The following HERC2 variants were observed in gnomAD, a reference collection of about 807,000 sequenced individuals.
HERC2 encodes the protein HECT and RLD domain containing E3 ubiquitin protein ligase 2.
A neutral mutation model predicts 537.7 loss-of-function variants in HERC2; 102 were observed. The observed-to-expected ratio is 0.19, with a 90% CI of 0.16 to 0.22. The LOEUF (loss-of-function observed/expected upper bound fraction) is 0.22, where lower values mean the gene tolerates loss of function less well. HERC2 is among the 10% of genes least tolerant of loss of function. The pLI is 1.00. For missense variants in HERC2, 4,236 were observed against 6,198.2 expected (o/e 0.68, Z 10.63); for synonymous variants, 2,224 against 2,466.2 (o/e 0.90, Z 2.91).
rs1895255492 is a variant in HERC2 at position 28,176,017 on chromosome 15, CACCAT to C, written c.9687-366_9687-362del. On this transcript the variant is annotated intron_variant, in intron 63 of 92. Coordinates refer to ENST00000261609, the MANE Select transcript of HERC2 (RefSeq NM_004667.6). The surrounding 1 kb of genome is among the most constrained non-coding windows in gnomAD (Gnocchi z 5.0). ...ATGACATTGGCACTAAGGCCTGACACACCATCCACAGCCAGTCCAGGCACCTGCTC... is the reference window on the plus strand; with the variant it reads ...ATGACATTGGCACTAAGGCCTGACACCCACAGCCAGTCCAGGCACCTGCTC... Among the ~76,000 whole-genome samples the C allele has an allele frequency of 6.6e-6, 1 of 152,216 alleles. No individual in the cohort carries two copies. Among genetic ancestry groups the C allele is most frequent in the African/African-American group, 2.4e-5 (1 of 41,448 alleles).
At chr15:28,128,037 T>C (rs1226860550) in intron 83 of HERC2, among the ~76,000 whole-genome samples, 1 of 152,184 alleles carries the variant, frequency 6.6e-6, no homozygotes, top group Non-Finnish European at 1.5e-5. Context: ...ACAAACTGCA[T>C]GTCACCTGCA....
chr15:28,251,370 G>A (rs1017284542), intron 20 of HERC2, among the ~76,000 whole-genome samples: 1 of 151,700 alleles, frequency 6.6e-6, no homozygotes, highest in African/African-American at 2.4e-5. Context: ...TTGAACCCAG[G>A]AGGCAGAGGC....
At chr15:28,284,645 G>A (rs566837420) in intron 4 of HERC2, among the ~76,000 whole-genome samples, 4 of 152,134 alleles carry the variant, frequency 2.6e-5, no homozygotes, top group South Asian at 2.1e-4. Flanking sequence ...CAGGAAGGCC[G>A]GGCACAGTGG....
chr15:28,253,000 C>G (rs568893942), intron 20 of HERC2, among the ~76,000 whole-genome samples: 217 of 152,362 alleles, frequency 1.4e-3, no homozygotes, highest in African/African-American at 5.2e-3. Flanking sequence ...CTGTGCTCGG[C>G]TGCCTGACCC....
intron 70 of HERC2, among the ~76,000 whole-genome samples, chr15:28,149,314 C>T (rs183007422): frequency 3.3e-5 from 5 of 151,566 alleles, no homozygotes; most frequent in South Asian, 2.1e-4. Context: ...AGAACATCAC[C>T]GAAAATGGCC....
intron 2 of HERC2, among the ~76,000 whole-genome samples, chr15:28,303,453 G>A (rs1420194434): frequency 6.6e-6 from 1 of 152,132 alleles, no homozygotes; most frequent in Admixed American, 6.5e-5. Flanking sequence ...ACCAGGAAGT[G>A]ACTGTAGTAT....
intron 25 of HERC2, among the ~76,000 whole-genome samples, chr15:28,237,686 G>A (rs749180532): frequency 3.9e-5 from 6 of 152,086 alleles, no homozygotes; most frequent in Non-Finnish European, 7.3e-5. Flanking sequence ...ATTACTTGTC[G>A]ATACCTGGAA....
Position 28,115,461 on chromosome 15 carries a change from C to G in HERC2, c.13690G>C (p.Gly4564Arg), listed in dbSNP as rs1288014035. 1 of 1,613,932 alleles carries G rather than the reference C, an allele frequency of 6.2e-7. No individual in the cohort carries two copies. Among genetic ancestry groups the G allele is most frequent in the East Asian group, 2.2e-5 (1 of 44,868 alleles). ...LAEPVWKQLA[G>R]MSLTIADLSE... ...AGGTCCGCGATGGTGAGGCTCATCCCAGCCAGCTGCTTCCAGACAGGCTCG... is the reference window on the plus strand; with the variant it reads ...AGGTCCGCGATGGTGAGGCTCATCCGAGCCAGCTGCTTCCAGACAGGCTCG... The change falls in exon 89 of 93, where the codon GGG (glycine) becomes CGG (arginine). Residue 4564 changes from glycine to arginine, a missense_variant. By Grantham distance (125) the Gly-to-Arg change is moderately radical (BLOSUM62 -2). This residue lies in a region of HERC2 where 313 missense variants were observed against 462.6 expected (regional missense o/e 0.68). Coordinates refer to ENST00000261609, the MANE Select transcript of HERC2 (RefSeq NM_004667.6).
intron 20 of HERC2, among the ~76,000 whole-genome samples, chr15:28,250,619 C>T (rs570819216): frequency 2.0e-5 from 3 of 152,260 alleles, no homozygotes; most frequent in African/African-American, 7.2e-5. Flanking sequence ...ATACGTTTCA[C>T]GGCTTATTTT....
At position 28,123,011 on chromosome 15, in the gene HERC2, G is replaced by A. The variant is rs566623581; in HGVS notation, c.13188+1026C>T. 3.4e-4 allele frequency among the ~76,000 whole-genome samples: 51 copies of A among 152,082 alleles called. 1 individual carries two copies. The South Asian group carries it at 1.0e-2, about 30-fold the overall frequency. On this transcript the variant is annotated intron_variant, in intron 85 of 92. Transcript: ENST00000261609. ...TTAAAAAAAGAAGGTAAAATTAATC[G>A]TTTGCTACTTTTTATTATTGAACAG...
intron 85 of HERC2, among the ~76,000 whole-genome samples, chr15:28,121,834 T>G (rs1460079998): frequency 6.6e-6 from 1 of 152,100 alleles, no homozygotes; most frequent in Non-Finnish European, 1.5e-5. Context: ...GTTAAACCAC[T>G]GCCTGCCATA....
At chr15:28,256,728 G>A (rs566006850) in intron 17 of HERC2, among the ~76,000 whole-genome samples, 4 of 152,228 alleles carry the variant, frequency 2.6e-5, no homozygotes, top group African/African-American at 9.6e-5. Context: ...CCGAGTAGCT[G>A]GAACTACAGG....
rs563981651 is a variant in HERC2, at chr15:28,132,512, A to G, written c.12408+141T>C. The G allele has an allele frequency of 1.2e-5, 10 of 851,814 alleles. No homozygotes were observed. The African/African-American group carries it at 1.7e-4, about 15-fold the overall frequency. The allele number at this position is 851,814 out of a possible 1,614,324, so 52.8% of individuals were successfully genotyped here. A position where few individuals can be genotyped will look rare whatever the true frequency, so the allele number is the denominator to read the frequency against. ...CCCTACATCACCATGAAGGCTGTTTATTCACTTCTTGCACCCAAAAATACA... is the reference window on the plus strand; with the variant it reads ...CCCTACATCACCATGAAGGCTGTTTGTTCACTTCTTGCACCCAAAAATACA... On this transcript the variant is annotated intron_variant, in intron 80 of 92. Transcript: ENST00000261609.
At chr15:28,222,259 C>A in intron 35 of HERC2, 44 bp from the exon 36 acceptor site, 1 of 1,087,472 alleles carries the variant, frequency 9.2e-7, no homozygotes, top group Non-Finnish European at 1.4e-6. Flanking sequence ...CAAGTAGCTA[C>A]AGTGTCCCCT....
intron 38 of HERC2, among the ~76,000 whole-genome samples, chr15:28,217,470 C>G (rs1180102297): frequency 6.6e-6 from 1 of 152,190 alleles, no homozygotes; most frequent in African/African-American, 2.4e-5. Context: ...CTAATACACG[C>G]ATGCTCTCAC....
intron 46 of HERC2, 46 bp downstream of exon 46, chr15:28,202,301 G>A: frequency 6.2e-7 from 1 of 1,613,056 alleles, no homozygotes. Flanking sequence ...CAGCCCTGAA[G>A]CGGGAACCCA....
intron 38 of HERC2, 105 bp from the exon 39 acceptor site, chr15:28,215,907 G>C (rs1567026970): frequency 1.2e-6 from 1 of 843,058 alleles, no homozygotes; most frequent in Admixed American, 3.1e-5. Flanking sequence ...TCTAAAATAA[G>C]CTCCTTTACA....
Position 28,229,178 on chromosome 15 carries a change from T to A in HERC2, c.5272+17A>T. 6.2e-7 allele frequency: 1 copy of A among 1,602,014 alleles called. No individual in the cohort carries two copies. The highest frequency in any genetic ancestry group is 1.1e-5 in the South Asian group (1 of 90,646). On this transcript the variant is annotated intron_variant, in intron 34 of 92. Coordinates refer to ENST00000261609, the MANE Select transcript of HERC2 (RefSeq NM_004667.6). ...AAGGCAAACTATAAAATAACATTGATACAATTATTGACTCACCAAGCTCTT... is the reference window on the plus strand; with the variant it reads ...AAGGCAAACTATAAAATAACATTGAAACAATTATTGACTCACCAAGCTCTT...
At chr15:28,224,643 A>T (rs1900918037) in intron 35 of HERC2, among the ~76,000 whole-genome samples, 1 of 152,182 alleles carries the variant, frequency 6.6e-6, no homozygotes, top group East Asian at 1.9e-4. Flanking sequence ...GAACACCACC[A>T]TAAACCAATC....
Sources: allele counts gnomAD v4.1 joint callset (sites outside exome capture counted in the v4.1 genomes callset), GRCh38; gene constraint gnomAD v4.1.1; regional missense constraint gnomAD v4.1.1; non-coding constraint Gnocchi (gnomAD v3.1); transcripts MANE v1.5; gene names NCBI Gene and HGNC (gene_info 2026-07-23, HGNC 2026-07-21).